Variants in IL1RN observed in about 807,000 individuals in gnomAD.
IL1RN encodes the protein interleukin-1 receptor antagonist protein.
A neutral mutation model predicts 13.7 loss-of-function variants in IL1RN; 10 were observed. That is an observed-to-expected ratio of 0.73 (90% CI 0.45 to 1.24). The LOEUF is 1.24. Among genes scored for constraint, IL1RN ranks in the 50% most tolerant of loss-of-function variants. IL1RN has a pLI of 0.00. For synonymous variants in IL1RN, 102 were observed against 82.7 expected (o/e 1.23, Z -1.27); for missense variants, 213 against 222.1 (o/e 0.96, Z 0.26).
upstream of IL1RN, among the ~76,000 whole-genome samples, chr2:113,110,348 G>A (rs915232764): frequency 1.3e-5 from 2 of 152,100 alleles, no homozygotes; most frequent in Non-Finnish European, 2.9e-5. Flanking sequence ...TTTCTGTGCT[G>A]TGGGCTTGCT....
chr2:113,128,660 C>A (rs1573303747), intron 1 of IL1RN, among the ~76,000 whole-genome samples: 1 of 152,138 alleles, frequency 6.6e-6, no homozygotes, highest in East Asian at 1.9e-4. Flanking sequence ...ACAAACAGGC[C>A]AATGCTGCCA....
chr2:113,099,780 G>A, the IL1RN span, among the ~76,000 whole-genome samples: 4 of 118,648 alleles, frequency 3.4e-5, no homozygotes, highest in East Asian at 8.9e-4. Flanking sequence ...TGTCGCCCAG[G>A]CTGGAGTGCA....
the IL1RN span, among the ~76,000 whole-genome samples, chr2:113,100,387 C>T: frequency 0.14 from 21,906 of 151,360 alleles, 1,803 homozygotes; most frequent in Non-Finnish European, 0.19. Context: ...TATTCATGTT[C>T]AGGCCAACAG....
chr2:113,112,276 A>G (rs117508219), intron 1 of IL1RN, among the ~76,000 whole-genome samples: 2 of 152,312 alleles, frequency 1.3e-5, no homozygotes, highest in East Asian at 3.9e-4. Context: ...CTCAACAGAG[A>G]TATTCTTTGG....
chr2:113,106,076 T>C (rs189672914), upstream of IL1RN, among the ~76,000 whole-genome samples: 54 of 152,326 alleles, frequency 3.5e-4, no homozygotes, highest in African/African-American at 1.3e-3. Flanking sequence ...ATTAATCCCT[T>C]GTTATTGATG....
At chr2:113,125,771 T>C (rs1211827319), upstream of IL1RN, among the ~76,000 whole-genome samples, 5 of 152,224 alleles carry the variant, frequency 3.3e-5, no homozygotes, top group Non-Finnish European at 7.3e-5. Flanking sequence ...ACAAGCTGCA[T>C]CACCTTGAGT....
At chr2:113,100,183 G>A in the IL1RN span, among the ~76,000 whole-genome samples, 228 of 151,274 alleles carry the variant, frequency 1.5e-3, no homozygotes, top group Middle Eastern at 0.017. Flanking sequence ...ACAATTAGCC[G>A]GGCGTGGTGG....
chr2:113,120,093 G>A, exon 2 of IL1RN: 1 of 1,613,572 alleles, frequency 6.2e-7, no homozygotes. Flanking sequence ...GGAGGTGGAG[G>A]AGGAGGAGAA....
At chr2:113,104,959 T>A (rs962740367), upstream of IL1RN, among the ~76,000 whole-genome samples, 4 of 152,104 alleles carry the variant, frequency 2.6e-5, no homozygotes, top group Non-Finnish European at 5.9e-5. Flanking sequence ...CCAGTCCCAG[T>A]GGGAAAACAG....
upstream of IL1RN, among the ~76,000 whole-genome samples, chr2:113,105,233 T>A (rs1207353006): frequency 6.6e-6 from 1 of 151,968 alleles, no homozygotes; most frequent in East Asian, 1.9e-4. Flanking sequence ...ACACGATGAG[T>A]CAGGAGCTTA....
At chr2:113,116,997 G>A (rs45462902), upstream of IL1RN, among the ~76,000 whole-genome samples, 1,692 of 152,328 alleles carry the variant, frequency 0.011, 98 homozygotes, top group Admixed American at 0.1. Context: ...CCGGGACTTC[G>A]TCCTGCCCAG....
upstream of IL1RN, among the ~76,000 whole-genome samples, chr2:113,124,504 C>G (rs960170340): frequency 2.6e-5 from 4 of 151,992 alleles, no homozygotes; most frequent in Non-Finnish European, 5.9e-5. Flanking sequence ...GGTCAGGATA[C>G]AGAGCAGGAA....
chr2:113,115,171 A>T (rs919601225), upstream of IL1RN, among the ~76,000 whole-genome samples: 5 of 152,212 alleles, frequency 3.3e-5, no homozygotes, highest in African/African-American at 9.6e-5. Context: ...ATGTATTTTC[A>T]AACCTCAAAT....
At chr2:113,100,674 G>T in the IL1RN span, among the ~76,000 whole-genome samples, 1 of 152,156 alleles carries the variant, frequency 6.6e-6, no homozygotes, top group Non-Finnish European at 1.5e-5. Context: ...AAGTGGTGCC[G>T]ACAAGAATCA....
At chr2:113,124,227 C>G (rs1686879387), upstream of IL1RN, among the ~76,000 whole-genome samples, 1 of 152,112 alleles carries the variant, frequency 6.6e-6, no homozygotes, top group Admixed American at 6.6e-5. Flanking sequence ...CTTAAAGCTT[C>G]ATCCAGGAAG....
upstream of IL1RN, among the ~76,000 whole-genome samples, chr2:113,106,387 A>C (rs1410836607): frequency 3.3e-5 from 5 of 152,214 alleles, no homozygotes; most frequent in African/African-American, 4.8e-5. Flanking sequence ...TGAGATATGC[A>C]TTCTTATCCT....
intron 1 of IL1RN, among the ~76,000 whole-genome samples, chr2:113,118,183 C>G (rs908713406): frequency 6.6e-6 from 1 of 152,140 alleles, no homozygotes; most frequent in Non-Finnish European, 1.5e-5. Context: ...GATCTGGGCA[C>G]GGGGAGGCAT....
Position 113,132,767 on chromosome 2 carries a change from T to C in IL1RN, c.430T>C (p.Trp144Arg). The change falls in exon 4 of 4, where the codon TGG becomes CGG. Residue 144 changes from tryptophan to arginine, a missense_variant. Transcript: ENST00000409930. ...TTTTGAGTCTGCCGCCTGCCCCGGTTGGTTCCTCTGCACAGCGATGGAAGC... is the reference window on the plus strand; with the variant it reads ...TTTTGAGTCTGCCGCCTGCCCCGGTCGGTTCCTCTGCACAGCGATGGAAGC... ...TSFESAACPG[W>R]FLCTAMEADQ... 6.2e-7 allele frequency: 1 copy of C among 1,614,260 alleles called. No individual in the cohort carries two copies. The highest frequency in any genetic ancestry group is 1.1e-5 in the South Asian group (1 of 91,088).
At chr2:113,116,917 G>A (rs1686607857), upstream of IL1RN, among the ~76,000 whole-genome samples, 1 of 152,238 alleles carries the variant, frequency 6.6e-6, no homozygotes, top group South Asian at 2.1e-4. Context: ...CTGTCAAAAT[G>A]AGGTCTGAAG....
Sources: gnomAD v4.1 joint callset for allele counts (sites outside exome capture counted in the v4.1 genomes callset) on GRCh38, gnomAD v4.1.1 for gene constraint, MANE v1.5 for transcripts, NCBI Gene and HGNC (gene_info 2026-07-23, HGNC 2026-07-21) for gene names.